Variants in KCND3 observed in about 807,000 individuals in gnomAD.
The protein encoded by KCND3 is potassium voltage-gated channel subfamily D member 3.
A neutral mutation model predicts 51.1 loss-of-function variants in KCND3; 9 were observed. The ratio of observed to expected loss-of-function variants is 0.18; its 90% CI spans 0.11 to 0.31. The LOEUF is 0.31. KCND3 is among the 10% of genes least tolerant of loss of function. The pLI is 1.00. For synonymous variants in KCND3, 349 were observed against 368.0 expected, an observed-to-expected ratio of 0.95 and a Z score of 0.59; for missense variants, 526 against 903.8, an observed-to-expected ratio of 0.58 and a Z score of 5.36.
intron 2 of KCND3, among the ~76,000 whole-genome samples, chr1:111,949,971 C>T (rs1309084373): frequency 6.6e-6 from 1 of 152,180 alleles, no homozygotes; most frequent in Non-Finnish European, 1.5e-5. Flanking sequence ...AGTGCAGTGG[C>T]CCGATCTCAG....
chr1:111,907,914 C>T (rs778778805), intron 2 of KCND3, among the ~76,000 whole-genome samples: 19 of 152,200 alleles, frequency 1.2e-4, no homozygotes, highest in Non-Finnish European at 2.5e-4. Context: ...TCTGCAGTGT[C>T]TCCAGAACAC....
Position 111,774,717 on chromosome 1 carries a change from C to T in KCND3, c.*1360G>A, listed in dbSNP as rs138725767. 3 of 152,298 alleles carry T rather than the reference C, an allele frequency of 2.0e-5. No individual in the cohort carries two copies. Among genetic ancestry groups the T allele is most frequent in the East Asian group, 3.9e-4 (2 of 5,182 alleles). 9.4% of individuals were successfully genotyped at this position (152,298 alleles called of 1,614,324 possible). ...AAGCATTTTTCTTGAGGCACACAGG[C>T]TTACCCTTCCACAGCCTCTGTGTGG... On this transcript the variant is annotated 3_prime_UTR_variant, in exon 8 of 8. Transcript: ENST00000302127.
At chr1:111,816,571 C>T (rs1666097620) in intron 2 of KCND3, among the ~76,000 whole-genome samples, 1 of 152,222 alleles carries the variant, frequency 6.6e-6, no homozygotes, top group African/African-American at 2.4e-5. Flanking sequence ...CCTTCACACC[C>T]CGAACTGGGA....
chr1:111,939,951 T>G (rs147904341), intron 2 of KCND3, among the ~76,000 whole-genome samples: 14,593 of 152,248 alleles, frequency 0.096, 863 homozygotes, highest in Middle Eastern at 0.13. Flanking sequence ...TATCTCATTG[T>G]GGTTTTGGTT....
rs984525786 is a variant in KCND3 at position 111,776,386 on chromosome 1, G to T, written c.1767-108C>A. 4 of 986,252 alleles carry T rather than the reference G, an allele frequency of 4.1e-6. No individual in the cohort carries two copies. In the African/African-American group the frequency reaches 4.8e-5, roughly 12 times the overall value. The allele number at this position is 986,252 out of a possible 1,614,324, so 61.1% of individuals were successfully genotyped here. On this transcript the variant is annotated intron_variant, in intron 7 of 7. Coordinates refer to ENST00000302127, the MANE Select transcript of KCND3 (RefSeq NM_001378969.1). ...GTGGTAACTAGGAGGATATTTTGTT[G>T]TGCCTCTATCTCTGCCTTTTGTAAT...
At chr1:111,832,476 C>T (rs1157321863) in intron 2 of KCND3, among the ~76,000 whole-genome samples, 2 of 152,140 alleles carry the variant, frequency 1.3e-5, no homozygotes, top group Non-Finnish European at 2.9e-5. Context: ...ATCATTTTTA[C>T]CCATATATTT....
intron 2 of KCND3, among the ~76,000 whole-genome samples, chr1:111,808,682 T>C (rs935868162): frequency 5.9e-5 from 9 of 152,220 alleles, no homozygotes; most frequent in Non-Finnish European, 1.3e-4. Flanking sequence ...TTAGAGCTTC[T>C]CATCTCAGCT....
At chr1:111,899,196 C>T (rs1162062845) in intron 2 of KCND3, among the ~76,000 whole-genome samples, 1 of 152,184 alleles carries the variant, frequency 6.6e-6, no homozygotes. Flanking sequence ...TGGCTCAATA[C>T]CTAGCTTATC....
At chr1:111,796,817 T>C (rs1293797133) in intron 2 of KCND3, among the ~76,000 whole-genome samples, 2 of 152,224 alleles carry the variant, frequency 1.3e-5, no homozygotes, top group East Asian at 3.8e-4. Flanking sequence ...TGGGAGGTTC[T>C]CTGGGAGATG....
intron 2 of KCND3, among the ~76,000 whole-genome samples, chr1:111,865,255 A>ACGGC (rs1417040099): frequency 6.6e-6 from 1 of 152,250 alleles, no homozygotes; most frequent in Non-Finnish European, 1.5e-5. Flanking sequence ...TAACTTCCTA[A>ACGGC]CACAAGAATT....
At chr1:111,839,629 T>C (rs1451778521) in intron 2 of KCND3, among the ~76,000 whole-genome samples, 1 of 152,270 alleles carries the variant, frequency 6.6e-6, no homozygotes. Flanking sequence ...ATACTAATGA[T>C]GGCTAATATG....
intron 2 of KCND3, among the ~76,000 whole-genome samples, chr1:111,849,831 G>T (rs1323319561): frequency 1.3e-5 from 2 of 152,120 alleles, no homozygotes; most frequent in Non-Finnish European, 2.9e-5. Flanking sequence ...TTCCTCTGTG[G>T]CTTGGCTCCT....
chr1:111,909,000 T>C (rs938559163), intron 2 of KCND3, among the ~76,000 whole-genome samples: 10 of 149,318 alleles, frequency 6.7e-5, no homozygotes, highest in African/African-American at 1.2e-4. Context: ...TAATGTGAGC[T>C]GGCAAGTAAT....
intron 2 of KCND3, among the ~76,000 whole-genome samples, chr1:111,872,750 A>G (rs1443168226): frequency 2.0e-5 from 3 of 152,184 alleles, no homozygotes; most frequent in Admixed American, 2.0e-4. Context: ...AGGCCGTGAG[A>G]GAGAAAATTA....
chr1:111,848,872 C>A (rs372957909), intron 2 of KCND3, among the ~76,000 whole-genome samples: 1 of 152,180 alleles, frequency 6.6e-6, no homozygotes, highest in Non-Finnish European at 1.5e-5. Flanking sequence ...ACAGGGAGCG[C>A]TGGCTGCCTC....
intron 2 of KCND3, among the ~76,000 whole-genome samples, chr1:111,913,072 A>G (rs1188376507): frequency 6.6e-6 from 1 of 152,198 alleles, no homozygotes; most frequent in Non-Finnish European, 1.5e-5. Context: ...TGCAAGCATC[A>G]TACCTGATAA....
intron 2 of KCND3, among the ~76,000 whole-genome samples, chr1:111,793,548 T>C (rs886202824): frequency 1.3e-5 from 2 of 152,180 alleles, no homozygotes; most frequent in Non-Finnish European, 2.9e-5. Context: ...TAAATGTTTG[T>C]TGAATGTATG....
intron 7 of KCND3, 103 bp from the exon 8 acceptor site, chr1:111,776,381 T>C: frequency 9.8e-7 from 1 of 1,016,888 alleles, no homozygotes; most frequent in African/African-American, 1.6e-5. Context: ...GGAGGATATT[T>C]TGTTGTGCCT....
At chr1:111,806,176 G>C (rs12117374) in intron 2 of KCND3, among the ~76,000 whole-genome samples, 15,049 of 152,202 alleles carry the variant, frequency 0.099, 1,158 homozygotes, top group East Asian at 0.35. Context: ...CCCAAAGAAC[G>C]GGGTCACTCA....
Sources: allele counts gnomAD v4.1 joint callset (sites outside exome capture counted in the v4.1 genomes callset), GRCh38; gene constraint gnomAD v4.1.1; transcripts MANE v1.5; gene names NCBI Gene and HGNC (gene_info 2026-07-23, HGNC 2026-07-21).